The following SMARCA2 variants were observed in gnomAD, a reference collection of about 807,000 sequenced individuals.
SMARCA2 encodes the protein SWI/SNF related BAF chromatin remodeling complex subunit ATPase 2.
A neutral mutation model predicts 199.8 loss-of-function variants in SMARCA2; 61 were observed. The observed-to-expected ratio is 0.31, with a 90% CI of 0.25 to 0.38. SMARCA2 has a LOEUF of 0.38. Ranked by LOEUF, SMARCA2 falls within the 10% of genes least tolerant of loss-of-function variation. SMARCA2 has a pLI of 1.00. For synonymous variants in SMARCA2, 935 were observed against 732.0 expected, an observed-to-expected ratio of 1.28 and a Z score of -4.48; for missense variants, 1,344 against 2,012.2, an observed-to-expected ratio of 0.67 and a Z score of 6.35.
At chr9:2,143,008 TAGG>T (rs903681980) in intron 27 of SMARCA2, among the ~76,000 whole-genome samples, 1 of 152,168 alleles carries the variant, frequency 6.6e-6, no homozygotes, top group African/African-American at 2.4e-5. Flanking sequence ...TTCGGGATGA[TAGG>T]AGATTCGGAC....
In SMARCA2 at chr9:2,140,378, C is replaced by T. The variant is rs775747219; in HGVS notation, c.3981+16441C>T. 6.7e-4 allele frequency among the ~76,000 whole-genome samples: 102 copies of T among 152,106 alleles called. 1 individual carries two copies. Among genetic ancestry groups the T allele is most frequent in the Non-Finnish European group, 1.2e-3 (82 of 68,020 alleles). On this transcript the variant is annotated intron_variant, in intron 27 of 33. Coordinates refer to ENST00000349721, the MANE Select transcript of SMARCA2 (RefSeq NM_003070.5). ...GATATTGTGAAGTCCAGCAGACTACCGTGTCAGCATTCCAGGGAGATCACC... is the reference window on the plus strand; with the variant it reads ...GATATTGTGAAGTCCAGCAGACTACTGTGTCAGCATTCCAGGGAGATCACC...
chr9:2,049,874 G>A (rs1457069868), intron 5 of SMARCA2, among the ~76,000 whole-genome samples: 1 of 152,128 alleles, frequency 6.6e-6, no homozygotes, highest in Non-Finnish European at 1.5e-5. Flanking sequence ...ATAACTGTTA[G>A]GATCCAGTTC....
chr9:2,074,786 G>C (rs1473678849), intron 12 of SMARCA2, among the ~76,000 whole-genome samples: 1 of 152,212 alleles, frequency 6.6e-6, no homozygotes, highest in Non-Finnish European at 1.5e-5. Context: ...AGGATGGCTT[G>C]AGCCCTGGGC....
At position 2,077,755 on chromosome 9, in the gene SMARCA2, T is replaced by C. The variant is rs1379364512; in HGVS notation, c.2163T>C (p.Asn721=). The C allele has an allele frequency of 6.2e-7, 1 of 1,612,572 alleles. No individual in the cohort carries two copies. Among genetic ancestry groups the C allele is most frequent in the Non-Finnish European group, 8.5e-7 (1 of 1,179,306 alleles). The change falls in exon 14 of 34, where the codon AAT becomes AAC. Residue 721 remains asparagine, a synonymous_variant. Coordinates refer to ENST00000349721, the MANE Select transcript of SMARCA2 (RefSeq NM_003070.5). ...RVEKQSALLI[N]GTLKHYQLQG... ...AGAAACAGTCTGCCCTCCTAATTAA[T>C]GGGACCCTAAAGCATTACCAGGTAA...
chr9:2,147,231 A>G (rs1294645346), intron 27 of SMARCA2, among the ~76,000 whole-genome samples: 1 of 124,958 alleles, frequency 8.0e-6, no homozygotes, highest in Non-Finnish European at 1.7e-5. Flanking sequence ...GAAAAAATGT[A>G]CTGAGTGACC....
chr9:2,116,902 A>G (rs1192927974), intron 25 of SMARCA2, among the ~76,000 whole-genome samples: 1 of 152,216 alleles, frequency 6.6e-6, no homozygotes, highest in Admixed American at 6.5e-5. Flanking sequence ...CATGTGGAAT[A>G]CTGTTTTCAT....
chr9:2,149,470 C>T (rs889095225), intron 27 of SMARCA2, among the ~76,000 whole-genome samples: 5 of 151,310 alleles, frequency 3.3e-5, no homozygotes, highest in African/African-American at 7.3e-5. Context: ...CAGTGAGCCA[C>T]GAACATGCCA....
chr9:2,061,437 TGTTCATTCA>T (rs1490260716), intron 9 of SMARCA2, among the ~76,000 whole-genome samples: 1 of 152,226 alleles, frequency 6.6e-6, no homozygotes, highest in Non-Finnish European at 1.5e-5. Context: ...GTGCCAAAGC[TGTTCATTCA>T]GTTCTGCTGT....
At chr9:2,033,685 T>A (rs1332526699) in intron 3 of SMARCA2, among the ~76,000 whole-genome samples, 1 of 152,228 alleles carries the variant, frequency 6.6e-6, no homozygotes, top group Non-Finnish European at 1.5e-5. Context: ...AAGTCTGAAA[T>A]CAAAGCATCA....
chr9:2,115,694 T>C lies in SMARCA2; in HGVS notation c.3457-128T>C. On this transcript the variant is annotated intron_variant, in intron 24 of 33. Coordinates refer to ENST00000349721, the MANE Select transcript of SMARCA2 (RefSeq NM_003070.5). The surrounding 1 kb of genome is among the most constrained non-coding windows in gnomAD (Gnocchi z 6.0). ...ACGTAGCTTGTGTGTTTTTAAAATG[T>C]AGGCAAAATCTTACCTTAGTGAAGG... The C allele has an allele frequency of 1.4e-6, 1 of 709,040 alleles. No individual in the cohort carries two copies. The highest frequency in any genetic ancestry group is 2.4e-6 in the Non-Finnish European group (1 of 424,692). The allele number at this position is 709,040 out of a possible 1,614,324, so 43.9% of individuals were successfully genotyped here. A position where few individuals can be genotyped will look rare whatever the true frequency, so the allele number is the denominator to read the frequency against.
At chr9:2,025,377 C>A (rs1324823237) in intron 1 of SMARCA2, among the ~76,000 whole-genome samples, 1 of 152,128 alleles carries the variant, frequency 6.6e-6, no homozygotes, top group Non-Finnish European at 1.5e-5. Flanking sequence ...ATGTTTTTAG[C>A]CACAGACACA....
chr9:2,017,802 A>G lies in SMARCA2; in HGVS notation c.-37+2398A>G, dbSNP rs1818426477. 1 of 152,240 alleles carries G rather than the reference A, an allele frequency of 6.6e-6. No individual in the cohort carries two copies. Among genetic ancestry groups the G allele is most frequent in the African/African-American group, 2.4e-5 (1 of 41,446 alleles). The allele number at this position is 152,240 out of a possible 1,614,324, so 9.4% of individuals were successfully genotyped here. A position where few individuals can be genotyped will look rare whatever the true frequency, so the allele number is the denominator to read the frequency against. On this transcript the variant is annotated intron_variant, in intron 1 of 33. Coordinates refer to ENST00000349721, the MANE Select transcript of SMARCA2 (RefSeq NM_003070.5). The surrounding 1 kb of genome is among the most constrained non-coding windows in gnomAD (Gnocchi z 8.8). ...CCTTTTTGTTCCGCGTCCTCCAGGT[A>G]AGGAGCCTGCGCAGCCCTGCCGCCG...
chr9:2,019,234 A>G (rs906936764), intron 1 of SMARCA2, among the ~76,000 whole-genome samples: 5 of 151,868 alleles, frequency 3.3e-5, no homozygotes, highest in African/African-American at 7.3e-5. Flanking sequence ...ATGAATGAGG[A>G]ATGTGGGGTA....
intron 9 of SMARCA2, among the ~76,000 whole-genome samples, chr9:2,064,908 GGT>G (rs1820760310): frequency 6.6e-6 from 1 of 152,216 alleles, no homozygotes. Context: ...CCATCAGCTG[GGT>G]GCGGCGGCTC....
intron 32 of SMARCA2, among the ~76,000 whole-genome samples, chr9:2,190,324 C>T (rs751205557): frequency 7.2e-6 from 1 of 138,362 alleles, no homozygotes; most frequent in Non-Finnish European, 1.5e-5. Flanking sequence ...AGGTTCACAG[C>T]AGCTTTGTTT....
chr9:2,117,048 G>T (rs1245288105), intron 25 of SMARCA2, among the ~76,000 whole-genome samples: 1 of 152,198 alleles, frequency 6.6e-6, no homozygotes, highest in East Asian at 1.9e-4. Flanking sequence ...GTTACATCCC[G>T]ACAAACCCAT....
At chr9:2,019,255 T>C (rs887102796) in intron 1 of SMARCA2, among the ~76,000 whole-genome samples, 2 of 152,066 alleles carry the variant, frequency 1.3e-5, no homozygotes, top group African/African-American at 4.8e-5. Context: ...TCAGAACCCT[T>C]GAAGAGGGTG....
At chr9:2,099,811 C>G (rs1372173956) in intron 21 of SMARCA2, among the ~76,000 whole-genome samples, 1 of 152,148 alleles carries the variant, frequency 6.6e-6, no homozygotes, top group Non-Finnish European at 1.5e-5. Context: ...GGACCTTAAA[C>G]TCAAGAAATG....
rs996556684 is a variant in SMARCA2, at chr9:2,169,371, T to C, written c.4200-1048T>C. Reference sequence around the variant, plus strand: ...CCGATGATGACCAGACTTCTTAGCGTAGGAGAATTGTTATCTTCCACAGTC... The same window carrying C: ...CCGATGATGACCAGACTTCTTAGCGCAGGAGAATTGTTATCTTCCACAGTC... On this transcript the variant is annotated intron_variant, in intron 28 of 33. Coordinates refer to ENST00000349721, the MANE Select transcript of SMARCA2 (RefSeq NM_003070.5). This position sits in a 1 kb window ranked among gnomAD's most constrained non-coding sequence, Gnocchi z 6.5. Among the ~76,000 whole-genome samples, 1 of 152,332 alleles carries C rather than the reference T, an allele frequency of 6.6e-6. No individual in the cohort carries two copies. Among genetic ancestry groups the C allele is most frequent in the Admixed American group, 6.5e-5 (1 of 15,312 alleles).
Sources: allele counts gnomAD v4.1 joint callset (sites outside exome capture counted in the v4.1 genomes callset), GRCh38; gene constraint gnomAD v4.1.1; non-coding constraint Gnocchi (gnomAD v3.1); transcripts MANE v1.5; gene names NCBI Gene and HGNC (gene_info 2026-07-23, HGNC 2026-07-21).